TPST1: variants seen among roughly 807,000 people sequenced by gnomAD.
TPST1 encodes the protein tyrosylprotein sulfotransferase 1, also known as protein-tyrosine sulfotransferase 1.
In TPST1, 20 loss-of-function variants were observed where a neutral mutation model predicts 34.8. The ratio of observed to expected loss-of-function variants is 0.57; its 90% confidence interval spans 0.40 to 0.84. The LOEUF (loss-of-function observed/expected upper bound fraction) is 0.84. TPST1 is among the 40% of genes least tolerant of loss of function. The pLI is 0.00. For missense variants in TPST1, 353 were observed against 455.5 expected (o/e 0.78, Z 2.05); for synonymous variants, 152 against 159.4 (o/e 0.95, Z 0.35).
intron 1 of TPST1, among the ~76,000 whole-genome samples, chr7:66,227,073 G>T (rs771889248): frequency 9.0e-6 from 1 of 111,584 alleles, no homozygotes; most frequent in Non-Finnish European, 1.6e-5. Flanking sequence ...TCACTCTGTC[G>T]CCCAAGCTGG....
chr7:66,263,057 G>A (rs1013228518), intron 2 of TPST1, among the ~76,000 whole-genome samples: 1 of 151,826 alleles, frequency 6.6e-6, no homozygotes. Flanking sequence ...CCCAGATCGT[G>A]CCACTGCACT....
chr7:66,272,475 C>T (rs1790722841), intron 2 of TPST1, among the ~76,000 whole-genome samples: 1 of 151,912 alleles, frequency 6.6e-6, no homozygotes, highest in Non-Finnish European at 1.5e-5. Context: ...GGTATGTCAA[C>T]ACAATAAAGA....
intron 1 of TPST1, among the ~76,000 whole-genome samples, chr7:66,225,845 A>G (rs548061329): frequency 1.6e-4 from 25 of 152,310 alleles, no homozygotes; most frequent in African/African-American, 6.0e-4. Flanking sequence ...CTTATCTAGA[A>G]AAAGGTACTT....
intron 3 of TPST1, among the ~76,000 whole-genome samples, chr7:66,346,400 C>T (rs1318318423): frequency 6.6e-6 from 1 of 152,110 alleles, no homozygotes; most frequent in East Asian, 1.9e-4. Context: ...TGAGGAACCT[C>T]CATACTGTTC....
At position 66,360,043 on chromosome 7, in the gene TPST1, G is replaced by A. The variant is rs567528579; in HGVS notation, c.*178G>A. ...AGGATGGAGGTGTCCGCACAGCTTT[G>A]GGCCTCGTGAGGGATCTGCCTCCTG... On this transcript the variant is annotated 3_prime_UTR_variant, in exon 6 of 6. Coordinates refer to ENST00000304842, the MANE Select transcript of TPST1 (RefSeq NM_003596.4). 2.3e-6 allele frequency: 1 copy of A among 443,392 alleles called. No individual in the cohort carries two copies. The highest frequency in any genetic ancestry group is 4.6e-6 in the Non-Finnish European group (1 of 217,840). 27.5% of individuals were successfully genotyped at this position (443,392 alleles called of 1,614,324 possible). A position where few individuals can be genotyped will look rare whatever the true frequency, so the allele number is the denominator to read the frequency against.
In TPST1 at chr7:66,240,886, C is replaced by T; in HGVS notation, c.461C>T (p.Pro154Leu). The change falls in exon 2 of 6, where the codon CCT becomes CTT. Residue 154 changes from proline to leucine, a missense_variant. Pro to Leu is a moderately conservative substitution (Grantham distance 98, BLOSUM62 -3). Transcript: ENST00000304842. ...ATCGTTAAGCATGGGGAGCCAGCCCCTTATTTATGTAATAAAGATCCTTTT... is the reference window on the plus strand; with the variant it reads ...ATCGTTAAGCATGGGGAGCCAGCCCTTTATTTATGTAATAAAGATCCTTTT... ...EIIVKHGEPA[P>L]YLCNKDPFAL... The T allele has an allele frequency of 6.2e-7, 1 of 1,614,146 alleles. No homozygotes were observed. The highest frequency in any genetic ancestry group is 1.1e-5 in the South Asian group (1 of 91,080).
At chr7:66,251,779 T>C in intron 2 of TPST1, among the ~76,000 whole-genome samples, 1 of 152,166 alleles carries the variant, frequency 6.6e-6, no homozygotes, top group Non-Finnish European at 1.5e-5. Context: ...GTCTGTGTTT[T>C]TTTCGGTCAG....
chr7:66,264,367 C>G (rs974974317), intron 2 of TPST1, among the ~76,000 whole-genome samples: 1 of 152,068 alleles, frequency 6.6e-6, no homozygotes, highest in Admixed American at 6.6e-5. Flanking sequence ...GTATGCATGC[C>G]CAGGGAAGAC....
At chr7:66,234,859 G>A (rs1789878710) in intron 1 of TPST1, among the ~76,000 whole-genome samples, 1 of 151,892 alleles carries the variant, frequency 6.6e-6, no homozygotes, top group African/African-American at 2.4e-5. Flanking sequence ...TGTATTTTTA[G>A]TAGAGATGGG....
chr7:66,268,836 G>A (rs943152757), intron 2 of TPST1, among the ~76,000 whole-genome samples: 3 of 151,898 alleles, frequency 2.0e-5, no homozygotes, highest in East Asian at 1.9e-4. Context: ...TTACAGGCAC[G>A]CGCCACCACG....
At chr7:66,225,398 G>A (rs1206429424) in intron 1 of TPST1, among the ~76,000 whole-genome samples, 2 of 151,328 alleles carry the variant, frequency 1.3e-5, no homozygotes, top group African/African-American at 4.8e-5. Flanking sequence ...GATCACCTGA[G>A]ATCAGGAGTT....
intron 2 of TPST1, among the ~76,000 whole-genome samples, chr7:66,267,094 A>G (rs1049861353): frequency 3.3e-5 from 5 of 152,240 alleles, no homozygotes; most frequent in Non-Finnish European, 7.3e-5. Context: ...TCAAGGATGT[A>G]TAATATTATC....
intron 3 of TPST1, among the ~76,000 whole-genome samples, chr7:66,350,262 G>A (rs1470511246): frequency 2.0e-5 from 3 of 152,130 alleles, no homozygotes; most frequent in East Asian, 1.9e-4. Context: ...TGATCTGCCC[G>A]CCTTCGCCTC....
intron 3 of TPST1, among the ~76,000 whole-genome samples, chr7:66,347,986 G>A (rs955281346): frequency 6.6e-6 from 1 of 151,846 alleles, no homozygotes; most frequent in African/African-American, 2.4e-5. Flanking sequence ...ATTGCTGTAA[G>A]ACTTACAGAA....
chr7:66,216,268 C>G (rs1789407443), intron 1 of TPST1, among the ~76,000 whole-genome samples: 1 of 147,456 alleles, frequency 6.8e-6, no homozygotes, highest in South Asian at 2.1e-4. Context: ...GTTACGTCTC[C>G]TTTTCATTAC....
intron 2 of TPST1, among the ~76,000 whole-genome samples, chr7:66,278,641 G>A (rs1790869203): frequency 6.6e-6 from 1 of 152,004 alleles, no homozygotes; most frequent in Non-Finnish European, 1.5e-5. Context: ...AAAAGTAGCT[G>A]GGCTTGGTGG....
intron 2 of TPST1, among the ~76,000 whole-genome samples, chr7:66,269,654 A>G (rs962134853): frequency 6.6e-6 from 1 of 152,246 alleles, no homozygotes. Flanking sequence ...TATGCCCAGT[A>G]ATATTCCAGC....
At position 66,220,486 on chromosome 7, in the gene TPST1, C is replaced by T. The variant is rs529197476; in HGVS notation, c.-102+14964C>T. Among the ~76,000 whole-genome samples the T allele has an allele frequency of 9.2e-5, 14 of 152,204 alleles. No homozygotes were observed. The South Asian group carries it at 2.9e-3, about 32-fold the overall frequency. ...AAATACAAGGGCACTAGGAAGGACA[C>T]CTGTGTCGTATGTGGCAGAGAGCTT... On this transcript the variant is annotated intron_variant, in intron 1 of 5. Transcript: ENST00000304842.
intron 1 of TPST1, among the ~76,000 whole-genome samples, chr7:66,236,929 A>T (rs1789923392): frequency 6.6e-6 from 1 of 152,190 alleles, no homozygotes; most frequent in Non-Finnish European, 1.5e-5. Context: ...ATCTTGAGCC[A>T]GTAAGGCATT....
Sources: allele counts gnomAD v4.1 joint callset (sites outside exome capture counted in the v4.1 genomes callset), GRCh38; gene constraint gnomAD v4.1.1; transcripts MANE v1.5; gene names NCBI Gene and HGNC (gene_info 2026-07-23, HGNC 2026-07-21).